Variants in CRISP1 observed in about 807,000 individuals in gnomAD.
CRISP1 encodes cysteine-rich secretory protein 1.
Under a neutral mutation model 33.1 loss-of-function variants are expected in CRISP1, and 44 were observed. The observed-to-expected ratio is 1.33, with a 90% CI of 1.05 to 1.71. The LOEUF is 1.71. Among genes scored for constraint, CRISP1 ranks in the 40% most tolerant of loss-of-function variants. The pLI is 0.00. For synonymous variants in CRISP1, 103 were observed against 98.7 expected, an observed-to-expected ratio of 1.04 and a Z score of -0.26; for missense variants, 390 against 301.2, an observed-to-expected ratio of 1.29 and a Z score of -2.18.
At chr6:49,874,479 G>C (rs1393962154) in intron 1 of CRISP1, among the ~76,000 whole-genome samples, 1 of 151,938 alleles carries the variant, frequency 6.6e-6, no homozygotes, top group African/African-American at 2.4e-5. Flanking sequence ...TTTCCTCCTG[G>C]GGTAGGGAAA....
chr6:49,854,573 C>A (rs1034908020), intron 2 of CRISP1, among the ~76,000 whole-genome samples: 11 of 152,286 alleles, frequency 7.2e-5, no homozygotes, highest in Middle Eastern at 3.4e-3. Context: ...AAGCAACCAT[C>A]ATTTCATTTA....
chr6:49,873,776 G>T (rs898881347), intron 1 of CRISP1, among the ~76,000 whole-genome samples: 34 of 151,878 alleles, frequency 2.2e-4, no homozygotes, highest in African/African-American at 8.0e-4. Flanking sequence ...GTTTTTTAAA[G>T]CTCAGTACCT....
At position 49,843,427 on chromosome 6, in the gene CRISP1, T is replaced by C. The variant is rs142168833; in HGVS notation, c.436-2432A>G. On this transcript the variant is annotated intron_variant, in intron 5 of 7. Coordinates refer to ENST00000335847, the MANE Select transcript of CRISP1 (RefSeq NM_001131.3). ...AAATTTAAGTAGGCTTTATTTCAAG[T>C]GGATTTTATTTTAGATTTTGTGTAA... Among the ~76,000 whole-genome samples the C allele has an allele frequency of 2.9e-3, 444 of 152,300 alleles. 6 individuals are homozygous for C. Among genetic ancestry groups the C allele is most frequent in the African/African-American group, 9.9e-3 (410 of 41,578 alleles).
At chr6:49,837,195 A>G (rs3799688) in intron 7 of CRISP1, among the ~76,000 whole-genome samples, 16,837 of 152,190 alleles carry the variant, frequency 0.11, 986 homozygotes, top group East Asian at 0.17. Flanking sequence ...AATATGTTCA[A>G]TTCTTAAGTT....
chr6:49,870,577 C>G (rs1198407682), upstream of CRISP1, among the ~76,000 whole-genome samples: 1 of 152,160 alleles, frequency 6.6e-6, no homozygotes, highest in Non-Finnish European at 1.5e-5. Flanking sequence ...CCAAAACTGA[C>G]TCGAAGTCAA....
chr6:49,839,978 T>C (rs1216701908), intron 6 of CRISP1, among the ~76,000 whole-genome samples: 1 of 152,236 alleles, frequency 6.6e-6, no homozygotes, highest in Non-Finnish European at 1.5e-5. Context: ...TGTATTGTGC[T>C]ACATACATGG....
At chr6:49,876,745 G>A (rs116366800) in intron 1 of CRISP1, among the ~76,000 whole-genome samples, 2,600 of 152,056 alleles carry the variant, frequency 0.017, 81 homozygotes, top group African/African-American at 0.057. Context: ...GGACATAGAA[G>A]GACTTGGAAA....
intron 3 of CRISP1, among the ~76,000 whole-genome samples, chr6:49,849,089 C>A (rs1006138039): frequency 6.6e-6 from 1 of 152,080 alleles, no homozygotes; most frequent in Non-Finnish European, 1.5e-5. Context: ...AGCATTTGGT[C>A]AGGTATGACT....
chr6:49,860,249 T>A (rs1771609751), intron 1 of CRISP1, among the ~76,000 whole-genome samples: 2 of 152,148 alleles, frequency 1.3e-5, no homozygotes, highest in South Asian at 4.1e-4. Context: ...TGGATTTAAG[T>A]TGGATATTAA....
chr6:49,845,784 G>A (rs75317692), intron 5 of CRISP1, among the ~76,000 whole-genome samples: 2,104 of 151,260 alleles, frequency 0.014, 42 homozygotes, highest in African/African-American at 0.048. Flanking sequence ...CAATGAAATA[G>A]CATTTAGCCT....
chr6:49,855,042 A>G (rs2127475000), intron 2 of CRISP1, among the ~76,000 whole-genome samples: 1 of 152,232 alleles, frequency 6.6e-6, no homozygotes, highest in African/African-American at 2.4e-5. Context: ...TGCTTGGTTT[A>G]TTGGCAGCTG....
At chr6:49,849,601 T>G (rs1166949615) in intron 3 of CRISP1, among the ~76,000 whole-genome samples, 1 of 152,154 alleles carries the variant, frequency 6.6e-6, no homozygotes, top group East Asian at 1.9e-4. Flanking sequence ...CCCTTATATG[T>G]GCATATAACA....
At chr6:49,838,337 T>G in intron 7 of CRISP1, 100 bp downstream of exon 7, 1 of 834,620 alleles carries the variant, frequency 1.2e-6, no homozygotes, top group Non-Finnish European at 1.9e-6. Context: ...GAGATGAAAG[T>G]TGTAGAAAAG....
At chr6:49,861,404 T>C (rs1389569990) in intron 1 of CRISP1, among the ~76,000 whole-genome samples, 1 of 152,178 alleles carries the variant, frequency 6.6e-6, no homozygotes, top group East Asian at 1.9e-4. Flanking sequence ...ATGATCATTA[T>C]AGCAGTGGGA....
In CRISP1 at chr6:49,846,594, T is replaced by C. The variant is rs1209752678; in HGVS notation, c.361A>G (p.Ser121Gly). The C allele has an allele frequency of 6.2e-7, 1 of 1,613,612 alleles. No individual in the cohort carries two copies. The highest frequency in any genetic ancestry group is 8.5e-7 in the Non-Finnish European group (1 of 1,179,690). ...CCATGTTTGAAACTTGTAGACTCAC[T>C]GTACCAGACTCCAATTACACTTGAC... is the stretch of plus-strand genomic sequence containing the variant. ...SWSSVIGVWY[S>G]ESTSFKHGEW... Residue 121 changes from serine to glycine, a missense_variant, in exon 5 of 8, where the codon AGT (serine) becomes GGT (glycine). Coordinates refer to ENST00000335847, the MANE Select transcript of CRISP1 (RefSeq NM_001131.3).
At chr6:49,869,733 G>A (rs1771879922), upstream of CRISP1, among the ~76,000 whole-genome samples, 1 of 152,166 alleles carries the variant, frequency 6.6e-6, no homozygotes, top group African/African-American at 2.4e-5. Flanking sequence ...AAATGGAAAA[G>A]GAAGGTACTA....
chr6:49,870,909 CA>C (rs1771907343), upstream of CRISP1, among the ~76,000 whole-genome samples: 1 of 151,956 alleles, frequency 6.6e-6, no homozygotes, highest in Non-Finnish European at 1.5e-5. Flanking sequence ...CCAGCCTGGC[CA>C]ATCAATGTGG....
chr6:49,857,232 G>T, intron 2 of CRISP1, 103 bp downstream of exon 2: 1 of 1,023,568 alleles, frequency 9.8e-7, no homozygotes, highest in Non-Finnish European at 1.5e-6. Context: ...AGTAATGGGT[G>T]TAGTGGCCTC....
At chr6:49,838,588 C>T in intron 6 of CRISP1, 63 bp from the exon 7 acceptor site, 2 of 1,251,092 alleles carry the variant, frequency 1.6e-6, no homozygotes, top group African/African-American at 3.0e-5. Flanking sequence ...AAACTTTACT[C>T]ACAGTGTACA....
Sources: allele counts gnomAD v4.1 joint callset (sites outside exome capture counted in the v4.1 genomes callset), GRCh38; gene constraint gnomAD v4.1.1; transcripts MANE v1.5; gene names NCBI Gene and HGNC (gene_info 2026-07-23, HGNC 2026-07-21).